The following ESRRG variants were observed in gnomAD, a reference collection of about 807,000 sequenced individuals.
ESRRG encodes the protein estrogen related receptor gamma, also known as estrogen-related receptor gamma.
A neutral mutation model predicts 44.0 loss-of-function variants in ESRRG; 13 were observed. The ratio of observed to expected loss-of-function variants is 0.30; its 90% CI spans 0.19 to 0.47. The LOEUF is 0.47. Among genes scored for constraint, ESRRG ranks in the 20% least tolerant of loss-of-function variants. The pLI, the probability that ESRRG is intolerant of heterozygous loss-of-function variation, is 1.00. For missense variants in ESRRG, 395 were observed against 580.6 expected, an observed-to-expected ratio of 0.68 and a Z score of 3.29; for synonymous variants, 215 against 214.6, an observed-to-expected ratio of 1.00 and a Z score of -0.02.
intron 1 of ESRRG, among the ~76,000 whole-genome samples, chr1:217,133,295 G>A (rs1042013734): frequency 2.6e-5 from 4 of 152,264 alleles, no homozygotes; most frequent in South Asian, 4.1e-4. Flanking sequence ...TCTTGAAAGC[G>A]GAATGAATGA....
chr1:216,610,012 C>T (rs1426342488), intron 3 of ESRRG, among the ~76,000 whole-genome samples: 1 of 152,214 alleles, frequency 6.6e-6, no homozygotes, highest in Non-Finnish European at 1.5e-5. Flanking sequence ...GTGAAGTTCA[C>T]TGTCACAGAA....
chr1:216,520,979 T>C (rs1572172038), intron 5 of ESRRG, among the ~76,000 whole-genome samples: 4 of 152,174 alleles, frequency 2.6e-5, no homozygotes, highest in Non-Finnish European at 4.4e-5. Flanking sequence ...AAAACAGTGG[T>C]TTGCCATTTG....
chr1:216,949,296 A>G (rs1442455924), intron 1 of ESRRG, among the ~76,000 whole-genome samples: 1 of 152,222 alleles, frequency 6.6e-6, no homozygotes, highest in Non-Finnish European at 1.5e-5. Flanking sequence ...GCACAGGTTT[A>G]TTTACTGCAA....
intron 2 of ESRRG, among the ~76,000 whole-genome samples, chr1:216,860,672 T>G (rs74491739): frequency 2.0e-5 from 3 of 152,242 alleles, no homozygotes; most frequent in African/African-American, 7.2e-5. Flanking sequence ...CAACAAAATA[T>G]ATTTGTACGT....
chr1:216,629,099 G>A (rs2150640433), intron 3 of ESRRG, among the ~76,000 whole-genome samples: 1 of 152,230 alleles, frequency 6.6e-6, no homozygotes, highest in Non-Finnish European at 1.5e-5. Context: ...ATGCCACTTT[G>A]TCCTATACCC....
At chr1:216,666,445 A>G (rs1399576320) in intron 2 of ESRRG, among the ~76,000 whole-genome samples, 1 of 152,264 alleles carries the variant, frequency 6.6e-6, no homozygotes, top group Non-Finnish European at 1.5e-5. Context: ...AGCATTTAAC[A>G]TGCCGTTCAG....
At chr1:216,528,884 C>A (rs957597369) in intron 5 of ESRRG, among the ~76,000 whole-genome samples, 2 of 152,094 alleles carry the variant, frequency 1.3e-5, no homozygotes, top group African/African-American at 4.8e-5. Flanking sequence ...GGTAAACACT[C>A]ACTTGTCAGA....
chr1:216,835,492 C>G (rs888119405), intron 2 of ESRRG, among the ~76,000 whole-genome samples: 1 of 152,186 alleles, frequency 6.6e-6, no homozygotes, highest in African/African-American at 2.4e-5. Context: ...CGCACACTCC[C>G]AAGTTAGGTT....
At chr1:216,628,573 C>A (rs780592953) in intron 3 of ESRRG, among the ~76,000 whole-genome samples, 3 of 152,036 alleles carry the variant, frequency 2.0e-5, no homozygotes, top group Non-Finnish European at 2.9e-5. Flanking sequence ...TGATTGGGGA[C>A]AGAAAGATCA....
Position 216,530,138 on chromosome 1 carries a change from GT to G in ESRRG, c.863-10718del, listed in dbSNP as rs796710873. Among the ~76,000 whole-genome samples the G allele has an allele frequency of 7.1e-3, 1,021 of 142,966 alleles. 12 individuals are homozygous for G. Among genetic ancestry groups the G allele is most frequent in the African/African-American group, 0.027 (970 of 36,552 alleles). 93.8% of individuals were successfully genotyped at this position (142,966 alleles called of 152,430 possible). Reference sequence around the variant, plus strand: ...AAAAAAAAAAAAAAAAAAAAAGGGGGTGGGGGAAAGAATAGTAACTGCCATG... The same window carrying G: ...AAAAAAAAAAAAAAAAAAAAAGGGGGGGGGGAAAGAATAGTAACTGCCATG... On this transcript the variant is annotated intron_variant, in intron 5 of 6. Coordinates refer to ENST00000408911, the MANE Select transcript of ESRRG (RefSeq NM_001438.4).
chr1:216,825,914 C>T (rs1317592178), intron 2 of ESRRG, among the ~76,000 whole-genome samples: 2 of 152,142 alleles, frequency 1.3e-5, no homozygotes, highest in African/African-American at 4.8e-5. Context: ...ATTAGTTCTT[C>T]AGTGGCAAAA....
At chr1:216,887,317 C>T (rs527495135) in intron 2 of ESRRG, among the ~76,000 whole-genome samples, 1 of 152,238 alleles carries the variant, frequency 6.6e-6, no homozygotes, top group East Asian at 1.9e-4. Context: ...ATATATATTA[C>T]ATTCATACTG....
chr1:216,707,380 G>A (rs1161999758), intron 1 of ESRRG: 3 of 1,535,854 alleles, frequency 2.0e-6, no homozygotes, highest in Admixed American at 3.9e-5. Context: ...AGGAACACAG[G>A]CCAGATCAGA....
At chr1:216,536,378 C>T (rs2050974163) in intron 5 of ESRRG, among the ~76,000 whole-genome samples, 1 of 152,126 alleles carries the variant, frequency 6.6e-6, no homozygotes, top group African/African-American at 2.4e-5. Context: ...CTGAACAACA[C>T]AGAGTTGAAA....
At position 216,620,740 on chromosome 1, in the gene ESRRG, A is replaced by G. The variant is rs2062092611; in HGVS notation, c.589+30233T>C. Among the ~76,000 whole-genome samples, 3 of 152,210 alleles carry G rather than the reference A, an allele frequency of 2.0e-5. No individual in the cohort carries two copies. In the South Asian group the frequency reaches 6.2e-4, roughly 31 times the overall value. ...CTAGAGAAAAAATATGTAAGTATTT[A>G]GAAGAAGGTGCATTGCTGATAGGTG... On this transcript the variant is annotated intron_variant, in intron 3 of 6. Transcript: ENST00000408911.
intron 1 of ESRRG, among the ~76,000 whole-genome samples, chr1:217,119,330 T>A (rs916157720): frequency 5.3e-5 from 8 of 152,184 alleles, no homozygotes; most frequent in African/African-American, 1.9e-4. Flanking sequence ...TTTAAAATAT[T>A]GTTCTGCCAT....
chr1:216,612,862 C>G (rs1498277), intron 3 of ESRRG, among the ~76,000 whole-genome samples: 124,901 of 152,188 alleles, frequency 0.82, 51,492 homozygotes, highest in African/African-American at 0.87. Flanking sequence ...ATACTGCTTA[C>G]AAAAGCCATT....
At chr1:216,873,926 G>GGGAAGGGAAGGGAAT (rs1559943156) in intron 2 of ESRRG, among the ~76,000 whole-genome samples, 3 of 105,714 alleles carry the variant, frequency 2.8e-5, no homozygotes, top group Non-Finnish European at 6.1e-5. Flanking sequence ...GGGAAGGGAA[G>GGGAAGGGAAGGGAAT]GGAAGGGAAG....
intron 1 of ESRRG, among the ~76,000 whole-genome samples, chr1:217,042,473 A>AACACACACACACACACAC (rs140559927): frequency 7.2e-5 from 10 of 138,972 alleles, no homozygotes; most frequent in African/African-American, 2.4e-4. Context: ...TACACACACA[A>AACACACACACACACACAC]ACACACACAC....
Sources: gnomAD v4.1 joint callset for allele counts (sites outside exome capture counted in the v4.1 genomes callset) on GRCh38, gnomAD v4.1.1 for gene constraint, MANE v1.5 for transcripts, NCBI Gene and HGNC (gene_info 2026-07-23, HGNC 2026-07-21) for gene names.